Variants in ADRA1B observed in about 807,000 individuals in gnomAD.
The protein encoded by ADRA1B is adrenoceptor alpha 1B.
ADRA1B carries 17 observed loss-of-function variants against 17.9 expected under a neutral mutation model. That is an observed-to-expected ratio of 0.95 (90% confidence interval 0.65 to 1.42). The LOEUF (loss-of-function observed/expected upper bound fraction) is 1.42, where lower values mean the gene tolerates loss of function less well. Among genes scored for constraint, ADRA1B ranks in the 40% most tolerant of loss-of-function variants. The pLI is 0.00. For missense variants in ADRA1B, 681 were observed against 722.1 expected (o/e 0.94, Z 0.65); for synonymous variants, 366 against 327.6 (o/e 1.12, Z -1.27).
At chr5:159,961,856 TG>T (rs1403871709) in intron 1 of ADRA1B, among the ~76,000 whole-genome samples, 1 of 152,212 alleles carries the variant, frequency 6.6e-6, no homozygotes, top group Non-Finnish European at 1.5e-5. Context: ...AGATAAATGA[TG>T]CTTTAGGTCC....
chr5:159,972,543 G>T lies in ADRA1B; in HGVS notation c.*51G>T, dbSNP rs920688596. 2.2e-5 allele frequency: 22 copies of T among 1,004,936 alleles called. No individual in the cohort carries two copies. Among genetic ancestry groups the T allele is most frequent in the Middle Eastern group, 3.6e-4 (1 of 2,790 alleles). 62.3% of individuals were successfully genotyped at this position (1,004,936 alleles called of 1,614,324 possible). A position where few individuals can be genotyped will look rare whatever the true frequency, so the allele number is the denominator to read the frequency against. On this transcript the variant is annotated 3_prime_UTR_variant, in exon 2 of 2. Coordinates refer to ENST00000306675, the MANE Select transcript of ADRA1B (RefSeq NM_000679.4). ...CTGGGGAGGAAAACATCGTGGGGGG[G>T]AGGGGAGGGCGGGGCGGAGGGGGGA...
At chr5:159,904,757 A>G (rs576149186) in intron 1 of ADRA1B, among the ~76,000 whole-genome samples, 1 of 152,380 alleles carries the variant, frequency 6.6e-6, no homozygotes, top group East Asian at 1.9e-4. Context: ...CTGCCACACC[A>G]TTATTGAATG....
intron 1 of ADRA1B, among the ~76,000 whole-genome samples, chr5:159,878,661 T>C (rs1254193467): frequency 2.6e-5 from 4 of 152,150 alleles, no homozygotes; most frequent in African/African-American, 9.7e-5. Context: ...GTAAGCAAAC[T>C]GAGGCTTGGA....
intron 1 of ADRA1B, among the ~76,000 whole-genome samples, chr5:159,909,044 G>A (rs1351777963): frequency 6.6e-6 from 1 of 152,072 alleles, no homozygotes. Flanking sequence ...ATCTTTTCAG[G>A]ACTCCCAAGG....
intron 1 of ADRA1B, among the ~76,000 whole-genome samples, chr5:159,881,248 G>A (rs182196578): frequency 6.8e-6 from 1 of 147,362 alleles, no homozygotes; most frequent in East Asian, 2.0e-4. Flanking sequence ...CTAAAGACAG[G>A]TAAATGTAGA....
chr5:159,875,252 G>C (rs776778898), intron 1 of ADRA1B, among the ~76,000 whole-genome samples: 1 of 152,052 alleles, frequency 6.6e-6, no homozygotes, highest in African/African-American at 2.4e-5. Flanking sequence ...AAGCTTGTTG[G>C]CTTGCAGATG....
chr5:159,887,968 C>T (rs1004166860), intron 1 of ADRA1B: 13 of 152,142 alleles, frequency 8.5e-5, no homozygotes, highest in African/African-American at 3.1e-4. Flanking sequence ...CCATATTGGG[C>T]TTTCAAATAA....
chr5:159,884,487 A>G (rs1295797371), intron 1 of ADRA1B, among the ~76,000 whole-genome samples: 3 of 152,120 alleles, frequency 2.0e-5, no homozygotes, highest in African/African-American at 7.2e-5. Context: ...CACTTCCACC[A>G]TGAGATAATA....
intron 1 of ADRA1B, among the ~76,000 whole-genome samples, chr5:159,943,584 G>C (rs2113237828): frequency 6.6e-6 from 1 of 152,136 alleles, no homozygotes; most frequent in East Asian, 1.9e-4. Context: ...TCCCTAACCA[G>C]ATCTATCTAG....
the ADRA1B span, among the ~76,000 whole-genome samples, chr5:159,978,743 G>A: frequency 6.6e-6 from 1 of 152,188 alleles, no homozygotes; most frequent in Non-Finnish European, 1.5e-5. Flanking sequence ...ATCTTCACAA[G>A]AGATTTACAA....
chr5:159,957,824 CA>C (rs1438722484), intron 1 of ADRA1B, among the ~76,000 whole-genome samples: 2 of 146,214 alleles, frequency 1.4e-5, no homozygotes, highest in Non-Finnish European at 3.0e-5. Context: ...GGATTCCCAG[CA>C]ACTTAAGGCC....
intron 1 of ADRA1B, among the ~76,000 whole-genome samples, chr5:159,899,226 G>A (rs1019973455): frequency 6.2e-5 from 9 of 144,658 alleles, no homozygotes; most frequent in African/African-American, 2.3e-4. Context: ...AAAGAAGGAA[G>A]GGAAGGAGGG....
rs573775984 is a variant in ADRA1B at position 159,879,463 on chromosome 5, G to A, written c.-256+14257G>A. ...TTCCAGCCCCCTCTCCAGCAGCCAG[G>A]ACTATAAATAAAGATTCCCTGGGGA... On this transcript the variant is annotated intron_variant, in intron 1 of 2. Coordinates refer to the ADRA1B transcript ENST00000641205. Among the ~76,000 whole-genome samples the A allele has an allele frequency of 3.3e-5, 5 of 152,262 alleles. No individual in the cohort carries two copies. The South Asian group carries it at 1.0e-3, about 32-fold the overall frequency.
intron 1 of ADRA1B, among the ~76,000 whole-genome samples, chr5:159,882,698 A>G (rs1467469296): frequency 6.6e-6 from 1 of 152,198 alleles, no homozygotes; most frequent in Non-Finnish European, 1.5e-5. Flanking sequence ...GTAATATCCA[A>G]GCTGCAGAAC....
chr5:159,929,847 G>T (rs1464248752), intron 1 of ADRA1B, among the ~76,000 whole-genome samples: 1 of 152,058 alleles, frequency 6.6e-6, no homozygotes, highest in African/African-American at 2.4e-5. Context: ...TTACCAGATT[G>T]TGTATGCTTT....
At chr5:159,925,394 T>C (rs971923466) in intron 1 of ADRA1B, among the ~76,000 whole-genome samples, 3 of 152,258 alleles carry the variant, frequency 2.0e-5, no homozygotes, top group African/African-American at 7.2e-5. Flanking sequence ...ATTGGTAATG[T>C]CACATACGGT....
upstream of ADRA1B, chr5:159,915,993 G>C (rs1382080155): frequency 1.3e-5 from 2 of 152,332 alleles, no homozygotes; most frequent in African/African-American, 4.8e-5. Context: ...AGAGAAGCCA[G>C]ATTTTACTGG....
intron 1 of ADRA1B, chr5:159,870,258 C>T (rs1352679895): frequency 1.3e-5 from 2 of 152,142 alleles, no homozygotes; most frequent in African/African-American, 2.4e-5. Context: ...GAGGAGTGGC[C>T]TCACGCTTGA....
chr5:159,917,035 AGGGCCATCTCTGT>A lies in ADRA1B; in HGVS notation c.136_148del (p.Ile46TrpfsTer16). The A allele has an allele frequency of 6.2e-7, 1 of 1,614,084 alleles. No homozygotes were observed. The highest frequency in any genetic ancestry group is 8.5e-7 in the Non-Finnish European group (1 of 1,179,982). On this transcript the variant is annotated frameshift_variant, in exon 1 of 2. Transcript: ENST00000306675. LOFTEE classifies it high-confidence loss of function. Reference sequence around the variant, plus strand: ...CACACTGCCCCAGCTGGACATCACCAGGGCCATCTCTGTGGGCCTGGTGCTGGGCGCCTTCATC... The same window carrying A: ...CACACTGCCCCAGCTGGACATCACCAGGGCCTGGTGCTGGGCGCCTTCATC...
Sources: gnomAD v4.1 joint callset for allele counts (sites outside exome capture counted in the v4.1 genomes callset) on GRCh38, gnomAD v4.1.1 for gene constraint, MANE v1.5 for transcripts, NCBI Gene and HGNC (gene_info 2026-07-23, HGNC 2026-07-21) for gene names.